Variants in SHQ1 observed in about 807,000 individuals in gnomAD.
SHQ1 encodes SHQ1, H/ACA ribonucleoprotein assembly factor.
In SHQ1, 49 loss-of-function variants were observed where a neutral mutation model predicts 53.8. The observed-to-expected ratio is 0.91, with a 90% CI of 0.72 to 1.16. The LOEUF is 1.16. Ranked by LOEUF, SHQ1 falls within the 50% of genes most tolerant of loss-of-function variation. The probability of loss-of-function intolerance (pLI) is 0.00; values close to 1 mark genes in which losing one functional copy is unlikely to be tolerated. For missense variants in SHQ1, 738 were observed against 683.1 expected, an observed-to-expected ratio of 1.08 and a Z score of -0.90; for synonymous variants, 243 against 251.0, an observed-to-expected ratio of 0.97 and a Z score of 0.30.
intron 9 of SHQ1, among the ~76,000 whole-genome samples, chr3:72,804,679 A>G (rs1366788486): frequency 6.6e-6 from 1 of 152,176 alleles, no homozygotes; most frequent in Non-Finnish European, 1.5e-5. Context: ...TTATTTTCCA[A>G]CATTAACTTC....
intron 9 of SHQ1, among the ~76,000 whole-genome samples, chr3:72,807,488 T>C (rs1319381496): frequency 6.6e-6 from 1 of 152,208 alleles, no homozygotes; most frequent in African/African-American, 2.4e-5. Context: ...ACTGGGAACT[T>C]ACAGAAGTTA....
chr3:72,833,524 G>GATA, intron 4 of SHQ1, among the ~76,000 whole-genome samples: 1 of 142,408 alleles, frequency 7.0e-6, no homozygotes, highest in East Asian at 2.1e-4. Flanking sequence ...ACAGATAGAT[G>GATA]GATGATAGAC....
chr3:72,753,384 G>A (rs1253525913), intron 10 of SHQ1: 3 of 985,274 alleles, frequency 3.0e-6, no homozygotes, highest in Admixed American at 6.2e-5. Context: ...GAACAAAGAT[G>A]GTATTTTAAT....
chr3:72,770,420 G>C (rs1705823227), intron 10 of SHQ1, among the ~76,000 whole-genome samples: 1 of 151,976 alleles, frequency 6.6e-6, no homozygotes, highest in South Asian at 2.1e-4. Context: ...TCCCAAATCA[G>C]AAACAGGATT....
At chr3:72,781,261 G>A (rs1175319820) in intron 10 of SHQ1, among the ~76,000 whole-genome samples, 1 of 151,896 alleles carries the variant, frequency 6.6e-6, no homozygotes, top group Admixed American at 6.6e-5. Context: ...TCACCATGTT[G>A]ACCAGGCTGG....
chr3:72,797,978 C>G (rs1454477956), intron 9 of SHQ1, among the ~76,000 whole-genome samples: 1 of 152,160 alleles, frequency 6.6e-6, no homozygotes, highest in Non-Finnish European at 1.5e-5. Flanking sequence ...AAGGAAAAAT[C>G]TGGCCCTCTT....
At chr3:72,815,570 C>T (rs1707287027) in intron 7 of SHQ1, among the ~76,000 whole-genome samples, 167 bp from the exon 8 acceptor site, 1 of 152,154 alleles carries the variant, frequency 6.6e-6, no homozygotes, top group South Asian at 2.1e-4. Context: ...ACAGAGACTA[C>T]CAGTGGGAAG....
At chr3:72,787,944 G>A (rs563616273) in intron 10 of SHQ1, among the ~76,000 whole-genome samples, 1 of 152,232 alleles carries the variant, frequency 6.6e-6, no homozygotes, top group African/African-American at 2.4e-5. Flanking sequence ...TCCAGCTCCT[G>A]ACCGCGAGTG....
At chr3:72,793,108 T>A in intron 9 of SHQ1, 72 bp from the exon 10 acceptor site, 1 of 1,333,106 alleles carries the variant, frequency 7.5e-7, no homozygotes, top group South Asian at 1.3e-5. Flanking sequence ...GTAATATATC[T>A]AAAGCAGCTC....
downstream of SHQ1, among the ~76,000 whole-genome samples, chr3:72,748,329 C>CAAAAAAAAAAAAAAAAAAAAAAAAAAAA (rs572927520): frequency 1.4e-4 from 8 of 58,792 alleles, 1 homozygote; most frequent in Non-Finnish European, 1.8e-4. Context: ...ATGAGGCATG[C>CAAAAAAAAAAAAAAAAAAAAAAAAAAAA]AAAAAAAAAA....
intron 10 of SHQ1, among the ~76,000 whole-genome samples, chr3:72,787,711 C>T (rs1706278957): frequency 6.6e-6 from 1 of 151,870 alleles, no homozygotes; most frequent in South Asian, 2.1e-4. Flanking sequence ...CTCTCCCTCT[C>T]CCCCTCCCCC....
intron 9 of SHQ1, among the ~76,000 whole-genome samples, chr3:72,805,822 C>T (rs748130612): frequency 2.6e-4 from 40 of 152,146 alleles, no homozygotes; most frequent in Middle Eastern, 3.4e-3. Context: ...TCATTTGTGG[C>T]AATTAAAAGG....
chr3:72,758,757 C>T lies in SHQ1; in HGVS notation c.1182-7921G>A, dbSNP rs372228972. 2.6e-5 allele frequency among the ~76,000 whole-genome samples: 4 copies of T among 151,984 alleles called. No individual in the cohort carries two copies. In the East Asian group the frequency reaches 7.7e-4, roughly 29 times the overall value. On this transcript the variant is annotated intron_variant, in intron 10 of 10. Coordinates refer to ENST00000325599, the MANE Select transcript of SHQ1 (RefSeq NM_018130.3). ...GCTAATTTTTGTATTTTGGTAGAGA[C>T]AGGGTTTCACCATGTTGGCCAGGCT... is the stretch of plus-strand genomic sequence containing the variant.
chr3:72,763,250 T>G (rs1412978119), intron 10 of SHQ1, among the ~76,000 whole-genome samples: 3 of 152,186 alleles, frequency 2.0e-5, no homozygotes, highest in Admixed American at 2.0e-4. Flanking sequence ...TTCTTCTCTA[T>G]GACTATTCCA....
intron 4 of SHQ1, among the ~76,000 whole-genome samples, chr3:72,839,194 A>G (rs1347030705): frequency 6.6e-6 from 1 of 152,222 alleles, no homozygotes; most frequent in Non-Finnish European, 1.5e-5. Context: ...GACATTTATT[A>G]TCATTCATGT....
intron 4 of SHQ1, among the ~76,000 whole-genome samples, 169 bp downstream of exon 4, chr3:72,840,876 G>T (rs954740960): frequency 6.6e-6 from 1 of 152,174 alleles, no homozygotes; most frequent in Non-Finnish European, 1.5e-5. Context: ...AACAGCCAAT[G>T]AAATGGAAGG....
In SHQ1 at chr3:72,751,529, T is replaced by TATATATATATATATACACAC. The variant is rs1491584090; in HGVS notation, c.1182-694_1182-693insGTGTGTATATATATATATAT. 9.3e-4 allele frequency among the ~76,000 whole-genome samples: 129 copies of TATATATATATATATACACAC among 138,016 alleles called. 2 individuals are homozygous for TATATATATATATATACACAC. Among genetic ancestry groups the TATATATATATATATACACAC allele is most frequent in the African/African-American group, 3.4e-3 (117 of 34,002 alleles). The allele number at this position is 138,016 out of a possible 152,430, so 90.5% of individuals were successfully genotyped here. The stretch of plus-strand genomic sequence containing the variant: ...GTGTGTATATATATATATATATATA[T>TATATATATATATATACACAC]ACATATACATACACTAATAAAGCCT... On this transcript the variant is annotated intron_variant, in intron 10 of 10. Coordinates refer to ENST00000325599, the MANE Select transcript of SHQ1 (RefSeq NM_018130.3).
At chr3:72,833,479 T>C (rs186428740) in intron 4 of SHQ1, among the ~76,000 whole-genome samples, 6 of 80,716 alleles carry the variant, frequency 7.4e-5, no homozygotes, top group East Asian at 7.2e-4. Flanking sequence ...GATAGATAGA[T>C]AGATAGATAG....
chr3:72,832,406 C>T lies in SHQ1; in HGVS notation c.562G>A (p.Ala188Thr). 6.2e-7 allele frequency: 1 copy of T among 1,612,684 alleles called. No homozygotes were observed. Among genetic ancestry groups the T allele is most frequent in the Non-Finnish European group, 8.5e-7 (1 of 1,179,952 alleles). ...PAAERRQKRLAAELAKFDPDH... is the reference protein window; with the variant it reads ...PAAERRQKRLTAELAKFDPDH... ...GGATCAAACTTGGCCAGCTCAGCGG[C>T]CAGGCGCTTCTGTCTTCGTTCAGCT... is the stretch of plus-strand genomic sequence containing the variant. Residue 188 changes from alanine to threonine, a missense_variant, in exon 5 of 11, where the codon GCC (alanine) becomes ACC (threonine). Physicochemically the swap from Ala to Thr is moderately conservative, Grantham distance 58 (BLOSUM62 0). Coordinates refer to ENST00000325599, the MANE Select transcript of SHQ1 (RefSeq NM_018130.3).
Sources: gnomAD v4.1 joint callset for allele counts (sites outside exome capture counted in the v4.1 genomes callset) on GRCh38, gnomAD v4.1.1 for gene constraint, MANE v1.5 for transcripts, NCBI Gene and HGNC (gene_info 2026-07-23, HGNC 2026-07-21) for gene names.